Variants in MTHFSD observed in about 807,000 individuals in gnomAD.
MTHFSD encodes methenyltetrahydrofolate synthase domain-containing protein.
MTHFSD carries 37 observed loss-of-function variants against 31.1 expected under a neutral mutation model. That is an observed-to-expected ratio of 1.19 (90% CI 0.91 to 1.56). MTHFSD has a LOEUF of 1.56. Among genes scored for constraint, MTHFSD ranks in the 40% most tolerant of loss-of-function variants. MTHFSD has a pLI of 0.00. For synonymous variants in MTHFSD, 221 were observed against 206.9 expected (o/e 1.07, Z -0.59); for missense variants, 664 against 510.1 (o/e 1.30, Z -2.91).
intron 5 of MTHFSD, 48 bp downstream of exon 5, chr16:86,546,511 C>CT: frequency 6.5e-7 from 1 of 1,549,068 alleles, no homozygotes; most frequent in Non-Finnish European, 8.9e-7. Flanking sequence ...ACGCAGCCGC[C>CT]TTCAGGCAGA....
rs1203288711 is a variant in MTHFSD at position 86,555,192 on chromosome 16, C to T, written c.-8G>A. 13 of 1,536,960 alleles carry T rather than the reference C, an allele frequency of 8.5e-6. No individual in the cohort carries two copies. The highest frequency in any genetic ancestry group is 2.4e-5 in the East Asian group (1 of 41,018). On this transcript the variant is annotated 5_prime_UTR_variant, in exon 1 of 8. Coordinates refer to ENST00000360900, the MANE Select transcript of MTHFSD (RefSeq NM_001159377.2). ...ACCTGCCCTCGGCTCCATGGTGATG[C>T]AGTCGCTGTGCGACGCTTCCCGGCG...
In MTHFSD at chr16:86,546,493, A is replaced by G. The variant is rs1014761571; in HGVS notation, c.442+66T>C. 5.7e-6 allele frequency: 8 copies of G among 1,409,166 alleles called. No individual in the cohort carries two copies. In the Admixed American group the frequency reaches 1.2e-4, roughly 21 times the overall value. 87.3% of individuals were successfully genotyped at this position (1,409,166 alleles called of 1,614,324 possible). A position where few individuals can be genotyped will look rare whatever the true frequency, so the allele number is the denominator to read the frequency against. ...CACTGGCGACTTTTGAAAGACAAAC[A>G]GCCTGGCACGCAGCCGCCTTCAGGC... is the stretch of plus-strand genomic sequence containing the variant. On this transcript the variant is annotated intron_variant, in intron 5 of 7. Coordinates refer to ENST00000360900, the MANE Select transcript of MTHFSD (RefSeq NM_001159377.2).
chr16:86,548,062 G>A (rs1020014919), intron 4 of MTHFSD: 2 of 1,290,380 alleles, frequency 1.5e-6, no homozygotes, highest in East Asian at 5.5e-5. Context: ...ATTTCCAATG[G>A]AGCATGTTTT....
chr16:86,554,133 T>C (rs902440088), intron 2 of MTHFSD, among the ~76,000 whole-genome samples: 2 of 152,142 alleles, frequency 1.3e-5, no homozygotes, highest in Admixed American at 6.5e-5. Context: ...CCCTTCCACA[T>C]TGTGGAAGGT....
intron 2 of MTHFSD, 101 bp from the exon 3 acceptor site, chr16:86,552,247 T>G: frequency 6.2e-7 from 1 of 1,610,376 alleles, no homozygotes; most frequent in Non-Finnish European, 8.5e-7. Flanking sequence ...CTGGCCGTTT[T>G]GAACGCCTGC....
intron 7 of MTHFSD, among the ~76,000 whole-genome samples, chr16:86,540,524 C>A (rs2143552512): frequency 6.6e-6 from 1 of 152,342 alleles, no homozygotes; most frequent in African/African-American, 2.4e-5. Context: ...GCAATGGGCC[C>A]CTTCTATGAC....
intron 5 of MTHFSD, among the ~76,000 whole-genome samples, chr16:86,545,291 G>A (rs1972127686): frequency 6.6e-6 from 1 of 152,208 alleles, no homozygotes; most frequent in African/African-American, 2.4e-5. Flanking sequence ...GGGCAGCTGG[G>A]AAGGAACAGG....
At chr16:86,545,423 A>G (rs371566107) in intron 5 of MTHFSD, among the ~76,000 whole-genome samples, 5 of 152,118 alleles carry the variant, frequency 3.3e-5, no homozygotes, top group African/African-American at 1.2e-4. Flanking sequence ...TTTCTTCTTT[A>G]TACATCCCTG....
intron 2 of MTHFSD, 82 bp downstream of exon 2, chr16:86,554,563 C>A (rs1973777559): frequency 9.4e-7 from 1 of 1,064,772 alleles, no homozygotes; most frequent in Middle Eastern, 2.3e-4. Flanking sequence ...CACCATGACG[C>A]AGTAAGAGAA....
At chr16:86,535,773 G>A (rs545625008) in intron 7 of MTHFSD, among the ~76,000 whole-genome samples, 49 of 152,268 alleles carry the variant, frequency 3.2e-4, no homozygotes, top group African/African-American at 1.1e-3. Flanking sequence ...TACCATTTTG[G>A]ATAAACTGCT....
chr16:86,539,477 A>G (rs761976729), intron 7 of MTHFSD, among the ~76,000 whole-genome samples: 18 of 152,262 alleles, frequency 1.2e-4, no homozygotes, highest in Non-Finnish European at 2.5e-4. Flanking sequence ...TGGGCATTCT[A>G]CATGCACTGC....
In MTHFSD at chr16:86,542,331, A is replaced by G; in HGVS notation, c.443-118T>C. 1 of 842,408 alleles carries G rather than the reference A, an allele frequency of 1.2e-6. No homozygotes were observed. The highest frequency in any genetic ancestry group is 1.8e-5 in the South Asian group (1 of 55,850). 52.2% of individuals were successfully genotyped at this position (842,408 alleles called of 1,614,324 possible). A position where few individuals can be genotyped will look rare whatever the true frequency, so the allele number is the denominator to read the frequency against. ...AACCCAATATCCCGAGCTAATCTAT[A>G]GAAATTTTCACAGAAATGCCCACCA... On this transcript the variant is annotated intron_variant, in intron 5 of 7. Coordinates refer to ENST00000360900, the MANE Select transcript of MTHFSD (RefSeq NM_001159377.2). This position sits in a 1 kb window ranked among gnomAD's most constrained non-coding sequence, Gnocchi z 4.6.
At chr16:86,540,282 G>A (rs1319038078) in intron 7 of MTHFSD, among the ~76,000 whole-genome samples, 3 of 152,196 alleles carry the variant, frequency 2.0e-5, no homozygotes, top group African/African-American at 4.8e-5. Context: ...TGACTTTCCT[G>A]GAAGAGGGTC....
chr16:86,537,445 T>C (rs1380642210), intron 7 of MTHFSD, among the ~76,000 whole-genome samples: 6 of 152,322 alleles, frequency 3.9e-5, no homozygotes, highest in African/African-American at 1.4e-4. Flanking sequence ...ATGTCTTCTA[T>C]AGAGATTCAG....
intron 7 of MTHFSD, among the ~76,000 whole-genome samples, chr16:86,538,531 G>A (rs1188522035): frequency 6.6e-6 from 1 of 152,236 alleles, no homozygotes; most frequent in East Asian, 1.9e-4. Flanking sequence ...ACTGGTCAGT[G>A]GCCAGGGCTG....
In MTHFSD at chr16:86,542,083, C is replaced by T. The variant is rs1486527772; in HGVS notation, c.555+18G>A. 2 of 1,604,758 alleles carry T rather than the reference C, an allele frequency of 1.2e-6. No individual in the cohort carries two copies. The highest frequency in any genetic ancestry group is 2.7e-5 in the African/African-American group (2 of 74,762). ...AGAGAATGGCAGTGGCTCTGCTCAG[C>T]CCATTCATAAGGAGCACCTGGCAGT... is the stretch of plus-strand genomic sequence containing the variant. On this transcript the variant is annotated intron_variant, in intron 6 of 7. Coordinates refer to ENST00000360900, the MANE Select transcript of MTHFSD (RefSeq NM_001159377.2). The surrounding 1 kb of genome is among the most constrained non-coding windows in gnomAD (Gnocchi z 4.6).
rs571844579 is a variant in MTHFSD, at chr16:86,554,078, T to C, written c.123+567A>G. Among the ~76,000 whole-genome samples the C allele has an allele frequency of 3.3e-5, 5 of 152,008 alleles. No homozygotes were observed. The East Asian group carries it at 7.7e-4, about 23-fold the overall frequency. ...GATGTGGGTGGGGCCAGATAAGAGA[T>C]TAAAAGCAGGCTGCCTGAACCAGCA... On this transcript the variant is annotated intron_variant, in intron 2 of 7. Coordinates refer to ENST00000360900, the MANE Select transcript of MTHFSD (RefSeq NM_001159377.2).
At chr16:86,541,507 T>C in intron 7 of MTHFSD, 190 bp downstream of exon 7, 1 of 786,884 alleles carries the variant, frequency 1.3e-6, no homozygotes. Context: ...ATCCCAGAGA[T>C]CCATACGCAG....
chr16:86,554,180 T>A (rs776686086), intron 2 of MTHFSD, among the ~76,000 whole-genome samples: 14 of 152,170 alleles, frequency 9.2e-5, no homozygotes, highest in Non-Finnish European at 1.3e-4. Context: ...TGCTCATTCT[T>A]TGAGTCCACC....
Sources: allele counts gnomAD v4.1 joint callset (sites outside exome capture counted in the v4.1 genomes callset), GRCh38; gene constraint gnomAD v4.1.1; non-coding constraint Gnocchi (gnomAD v3.1); transcripts MANE v1.5; gene names NCBI Gene and HGNC (gene_info 2026-07-23, HGNC 2026-07-21).